TBCE: variants seen among roughly 807,000 people sequenced by gnomAD.
The protein encoded by TBCE is tubulin-specific chaperone E.
Under a neutral mutation model 77.0 loss-of-function variants are expected in TBCE, and 53 were observed. That is an observed-to-expected ratio of 0.69 (90% confidence interval 0.55 to 0.87). TBCE has a LOEUF of 0.87. Among genes scored for constraint, TBCE ranks in the 40% least tolerant of loss-of-function variants. The pLI is 0.00. For missense variants in TBCE, 624 were observed against 622.4 expected, an observed-to-expected ratio of 1.00 and a Z score of -0.03; for synonymous variants, 235 against 241.3, an observed-to-expected ratio of 0.97 and a Z score of 0.24.
intron 12 of TBCE, 87 bp downstream of exon 12, chr1:235,437,561 C>A: frequency 6.6e-7 from 1 of 1,523,714 alleles, no homozygotes. Context: ...CCTGTAATCC[C>A]AGCACTTTGG....
intron 3 of TBCE, among the ~76,000 whole-genome samples, chr1:235,408,346 C>T (rs753580332): frequency 3.3e-5 from 5 of 151,734 alleles, no homozygotes; most frequent in Non-Finnish European, 4.4e-5. Context: ...TGTCATAAGC[C>T]AGTTGTAAAG....
chr1:235,400,482 C>G (rs1679032832), intron 2 of TBCE, among the ~76,000 whole-genome samples: 1 of 138,580 alleles, frequency 7.2e-6, no homozygotes, highest in Non-Finnish European at 1.5e-5. Flanking sequence ...CTCACTGCAA[C>G]CTCCGCCTTC....
chr1:235,427,090 T>C (rs1426055223), intron 5 of TBCE, 50 bp from the exon 6 acceptor site: 2 of 1,294,390 alleles, frequency 1.5e-6, no homozygotes, highest in South Asian at 1.2e-5. Context: ...ACTCCTTTTA[T>C]GTCTTTTGTG....
At chr1:235,387,842 G>A (rs899474076) in intron 2 of TBCE, among the ~76,000 whole-genome samples, 7 of 152,166 alleles carry the variant, frequency 4.6e-5, no homozygotes, top group South Asian at 2.1e-4. Context: ...TTCAGGGCCA[G>A]TCTGTAAAGT....
chr1:235,401,970 CA>C (rs1679137670), intron 3 of TBCE, among the ~76,000 whole-genome samples: 1 of 150,290 alleles, frequency 6.7e-6, no homozygotes, highest in African/African-American at 2.4e-5. Context: ...ATTGATTACA[CA>C]AAATACAGAA....
chr1:235,414,638 G>A lies in TBCE; in HGVS notation c.371+20G>A, dbSNP rs1476359845. On this transcript the variant is annotated intron_variant, in intron 4 of 16. Transcript: ENST00000642610. ...GCAAAGGTAAGTGGAGTTTATAACGGCAGAGCTGACTTTTATGGTTTTATT... is the reference window on the plus strand; with the variant it reads ...GCAAAGGTAAGTGGAGTTTATAACGACAGAGCTGACTTTTATGGTTTTATT... The A allele has an allele frequency of 6.2e-7, 1 of 1,611,582 alleles. No individual in the cohort carries two copies. The highest frequency in any genetic ancestry group is 2.2e-5 in the East Asian group (1 of 44,838).
At chr1:235,392,701 A>T (rs72759715) in intron 2 of TBCE, among the ~76,000 whole-genome samples, 24,760 of 151,546 alleles carry the variant, frequency 0.16, 2,791 homozygotes, top group African/African-American at 0.32. Context: ...CTGAGCCACC[A>T]CGCCTGGCCC....
At chr1:235,375,096 A>G (rs1396617503) in intron 1 of TBCE, among the ~76,000 whole-genome samples, 2 of 150,400 alleles carry the variant, frequency 1.3e-5, no homozygotes, top group Admixed American at 1.3e-4. Context: ...AATTTTTTGT[A>G]TTTTTAGTAG....
chr1:235,392,603 G>A (rs1452831336), intron 2 of TBCE, among the ~76,000 whole-genome samples: 1 of 151,190 alleles, frequency 6.6e-6, no homozygotes, highest in Non-Finnish European at 1.5e-5. Context: ...TAGAGATGGG[G>A]TTTCACTGTG....
At chr1:235,371,041 T>TTTTTG (rs1676915548) in intron 1 of TBCE, among the ~76,000 whole-genome samples, 1 of 69,642 alleles carries the variant, frequency 1.4e-5, no homozygotes, top group Non-Finnish European at 2.6e-5. Flanking sequence ...CGCCTGGCTT[T>TTTTTG]TTTTTTTTTT....
chr1:235,416,412 A>G (rs867363), intron 4 of TBCE, among the ~76,000 whole-genome samples: 100,441 of 151,708 alleles, frequency 0.66, 33,627 homozygotes, highest in African/African-American at 0.76. Context: ...TATAGTCCCA[A>G]CTATTTGGGA....
chr1:235,395,883 A>AT (rs1318324897), intron 2 of TBCE, among the ~76,000 whole-genome samples: 1 of 151,548 alleles, frequency 6.6e-6, no homozygotes, highest in Non-Finnish European at 1.5e-5. Flanking sequence ...AATTATTTTC[A>AT]TTTTTTTAGC....
In TBCE at chr1:235,436,603, T is replaced by C; in HGVS notation, c.958T>C (p.Ser320Pro). ...KYLVVNDNQISQWSFFNELEK... is the reference protein window; with the variant it reads ...KYLVVNDNQIPQWSFFNELEK... Reference sequence around the variant, plus strand: ...CCTGGTAGTAAACGACAATCAGATATCACAAGTAAGAGCTGCTCGGAGTAT... The same window carrying C: ...CCTGGTAGTAAACGACAATCAGATACCACAAGTAAGAGCTGCTCGGAGTAT... Residue 320 changes from serine to proline, a missense_variant, in exon 11 of 17, where the codon TCA (serine) becomes CCA (proline). Coordinates refer to ENST00000642610, the MANE Select transcript of TBCE (RefSeq NM_003193.5). The C allele has an allele frequency of 1.2e-5, 19 of 1,613,694 alleles. No homozygotes were observed. The highest frequency in any genetic ancestry group is 1.5e-5 in the Non-Finnish European group (18 of 1,179,584).
intron 2 of TBCE, among the ~76,000 whole-genome samples, chr1:235,397,063 C>T (rs1276795381): frequency 6.6e-6 from 1 of 152,078 alleles, no homozygotes; most frequent in Admixed American, 6.6e-5. Context: ...CAACCTCCAC[C>T]GCCCTGGCTC....
intron 7 of TBCE, 123 bp from the exon 8 acceptor site, chr1:235,434,081 G>C: frequency 1.2e-6 from 1 of 857,444 alleles, no homozygotes; most frequent in Non-Finnish European, 2.0e-6. Context: ...CTTATGAACT[G>C]TCCGTGAGGC....
chr1:235,419,661 C>T, intron 5 of TBCE, 100 bp downstream of exon 5: 1 of 1,512,268 alleles, frequency 6.6e-7, no homozygotes, highest in Non-Finnish European at 9.1e-7. Context: ...GTCTTGACAA[C>T]TTCCTTCCTA....
chr1:235,422,947 T>A (rs1160256362), intron 5 of TBCE, among the ~76,000 whole-genome samples: 1 of 152,214 alleles, frequency 6.6e-6, no homozygotes, highest in Non-Finnish European at 1.5e-5. Context: ...TGCACTTTTC[T>A]GGAGAAAAAT....
intron 2 of TBCE, among the ~76,000 whole-genome samples, chr1:235,390,943 G>A (rs1346440330): frequency 1.3e-5 from 2 of 152,016 alleles, no homozygotes; most frequent in African/African-American, 4.8e-5. Flanking sequence ...AAGCTATCAT[G>A]TAAAGGTTCA....
intron 4 of TBCE, chr1:235,415,358 A>G (rs1680051619): frequency 6.6e-6 from 1 of 152,294 alleles, no homozygotes; most frequent in African/African-American, 2.4e-5. Flanking sequence ...ACTTTGTACA[A>G]GGAGGCTTTC....
Sources: allele counts gnomAD v4.1 joint callset (sites outside exome capture counted in the v4.1 genomes callset), GRCh38; gene constraint gnomAD v4.1.1; transcripts MANE v1.5; gene names NCBI Gene and HGNC (gene_info 2026-07-23, HGNC 2026-07-21).